The following SEC24A variants were observed in gnomAD, a reference collection of about 807,000 sequenced individuals.
The protein encoded by SEC24A is protein transport protein Sec24A.
SEC24A carries 93 observed loss-of-function variants against 129.4 expected under a neutral mutation model. That is an observed-to-expected ratio of 0.72 (90% CI 0.61 to 0.85). SEC24A has a LOEUF of 0.85. Among genes scored for constraint, SEC24A ranks in the 40% least tolerant of loss-of-function variants. SEC24A has a pLI of 0.00. For missense variants in SEC24A, 1,264 were observed against 1,307.4 expected, an observed-to-expected ratio of 0.97 and a Z score of 0.51; for synonymous variants, 460 against 467.3, an observed-to-expected ratio of 0.98 and a Z score of 0.20.
chr5:134,692,175 T>G (rs909000584), intron 11 of SEC24A, among the ~76,000 whole-genome samples: 3 of 149,224 alleles, frequency 2.0e-5, no homozygotes, highest in African/African-American at 7.4e-5. Context: ...TCCTCCCACA[T>G]AGCTGGGACT....
chr5:134,652,566 G>A lies in SEC24A; in HGVS notation c.97+3393G>A, dbSNP rs375752149. On this transcript the variant is annotated intron_variant, in intron 1 of 22. Transcript: ENST00000398844. ...CTACTAAAGTGCCGGGATTACAGGC[G>A]TGAGCCACTGTGCCTGGCCAGTTTG... Among the ~76,000 whole-genome samples, 8 of 151,974 alleles carry A rather than the reference G, an allele frequency of 5.3e-5. No individual in the cohort carries two copies. The East Asian group carries it at 1.2e-3, about 22-fold the overall frequency.
At chr5:134,713,223 GC>G (rs2150110363) in intron 18 of SEC24A, among the ~76,000 whole-genome samples, 1 of 152,104 alleles carries the variant, frequency 6.6e-6, no homozygotes, top group African/African-American at 2.4e-5. Context: ...GAGCCACCGC[GC>G]CCGGCCGAAA....
At position 134,691,247 on chromosome 5, in the gene SEC24A, A is replaced by G. The variant is rs556428316; in HGVS notation, c.1724-1355A>G. Among the ~76,000 whole-genome samples, 3 of 145,076 alleles carry G rather than the reference A, an allele frequency of 2.1e-5. No homozygotes were observed. In the South Asian group the frequency reaches 6.5e-4, roughly 31 times the overall value. On this transcript the variant is annotated intron_variant, in intron 11 of 22. Transcript: ENST00000398844. ...TGCAGTGGCGCGATCTTGGTGGCTC[A>G]CTGCAAACTCTGCCTCCTGGGTTCA... is the stretch of plus-strand genomic sequence containing the variant.
Position 134,675,180 on chromosome 5 carries a change from T to C in SEC24A, c.1114T>C (p.Leu372=), listed in dbSNP as rs201697696. 274 of 1,612,910 alleles carry C rather than the reference T, an allele frequency of 1.7e-4. No individual in the cohort carries two copies. The highest frequency in any genetic ancestry group is 2.2e-4 in the Non-Finnish European group (261 of 1,179,250). ...STPLKPPVPN[L]HEDIQKLNCN... ...ACCTTTGAAGCCTCCAGTTCCAAAT[T>C]TGCATGAAGACATCCAGAAACTCAA... Residue 372 remains leucine, a synonymous_variant, in exon 6 of 23, where the codon TTG becomes CTG. Coordinates refer to ENST00000398844, the MANE Select transcript of SEC24A (RefSeq NM_021982.3).
chr5:134,706,028 C>T (rs1194497400), intron 17 of SEC24A, among the ~76,000 whole-genome samples: 4 of 151,970 alleles, frequency 2.6e-5, no homozygotes, highest in Admixed American at 2.6e-4. Flanking sequence ...GCTGGGATTA[C>T]AGGCATGCGC....
intron 20 of SEC24A, among the ~76,000 whole-genome samples, chr5:134,719,102 C>T (rs976969122): frequency 6.6e-6 from 1 of 152,034 alleles, no homozygotes; most frequent in Non-Finnish European, 1.5e-5. Context: ...AATAATTTGT[C>T]CGGGCATGGT....
intron 7 of SEC24A, among the ~76,000 whole-genome samples, chr5:134,676,798 G>C (rs1487542469): frequency 6.6e-6 from 1 of 152,112 alleles, no homozygotes; most frequent in African/African-American, 2.4e-5. Flanking sequence ...TTTCTGCAAT[G>C]ATGCAAGAAT....
chr5:134,709,708 A>G (rs1005281209), intron 18 of SEC24A, among the ~76,000 whole-genome samples: 2 of 152,226 alleles, frequency 1.3e-5, no homozygotes, highest in Non-Finnish European at 2.9e-5. Context: ...TATGTTACCT[A>G]GCTTCATTAA....
intron 15 of SEC24A, among the ~76,000 whole-genome samples, chr5:134,699,891 G>A (rs1385013256): frequency 6.6e-6 from 1 of 151,592 alleles, no homozygotes; most frequent in Non-Finnish European, 1.5e-5. Context: ...AGTAGAAACG[G>A]GGTTTTGCCA....
At chr5:134,660,849 G>A (rs974669052) in intron 1 of SEC24A, among the ~76,000 whole-genome samples, 6 of 152,164 alleles carry the variant, frequency 3.9e-5, no homozygotes, top group East Asian at 3.9e-4. Context: ...GAGCCACTGC[G>A]CTGGCCTTCA....
chr5:134,727,450 T>TAC lies in SEC24A; in HGVS notation c.*2356_*2357insAC, dbSNP rs1752781543. 1 of 152,586 alleles carries TAC rather than the reference T, an allele frequency of 6.6e-6. No homozygotes were observed. The highest frequency in any genetic ancestry group is 1.5e-5 in the Non-Finnish European group (1 of 68,014). The allele number at this position is 152,586 out of a possible 1,614,324, so 9.5% of individuals were successfully genotyped here. A position where few individuals can be genotyped will look rare whatever the true frequency, so the allele number is the denominator to read the frequency against. On this transcript the variant is annotated 3_prime_UTR_variant, in exon 23 of 23. Transcript: ENST00000398844. ...ACTAATAGTCACTCAAGCAGTACCA[T>TAC]TTATTTTAGTTTGCATATATTTTCA...
intron 13 of SEC24A, among the ~76,000 whole-genome samples, chr5:134,694,664 A>G (rs1220440513): frequency 6.6e-6 from 1 of 151,680 alleles, no homozygotes; most frequent in Non-Finnish European, 1.5e-5. Context: ...CAAAAAAAAA[A>G]AAAAATTAGC....
rs201917952 is a variant in SEC24A, at chr5:134,697,900, T to C, written c.2109T>C (p.Gly703=). ...SGQYSDLASL[G]CISRYSAGSV... ...AAAACAGTGTGTGTTCTCTTCCAGGTTGTATTTCTCGGTATTCAGCAGGTA... is the reference window on the plus strand; with the variant it reads ...AAAACAGTGTGTGTTCTCTTCCAGGCTGTATTTCTCGGTATTCAGCAGGTA... The change falls in exon 15 of 23, where the codon GGT becomes GGC. Residue 703 remains glycine, a splice_region_variant and synonymous_variant. Coordinates refer to ENST00000398844, the MANE Select transcript of SEC24A (RefSeq NM_021982.3). 2.0e-5 allele frequency: 33 copies of C among 1,610,588 alleles called. No individual in the cohort carries two copies. The East Asian group carries it at 6.2e-4, about 30-fold the overall frequency.
At chr5:134,700,065 TG>T (rs1751956622) in intron 15 of SEC24A, among the ~76,000 whole-genome samples, 1 of 151,388 alleles carries the variant, frequency 6.6e-6, no homozygotes, top group Admixed American at 6.6e-5. Flanking sequence ...TTTTTTAAGG[TG>T]GGTTTTTTTT....
rs779521452 is a variant in SEC24A, at chr5:134,722,249, G to A, written c.3063+1159G>A. Among the ~76,000 whole-genome samples, 38 of 151,988 alleles carry A rather than the reference G, an allele frequency of 2.5e-4. 1 individual carries two copies. Among genetic ancestry groups the A allele is most frequent in the Non-Finnish European group, 1.2e-4 (8 of 68,010 alleles). ...CTCACACCTGTAATCTCAGCGCTTTGGGAGGCCGAGGCTGGCGAATCACCT... is the reference window on the plus strand; with the variant it reads ...CTCACACCTGTAATCTCAGCGCTTTAGGAGGCCGAGGCTGGCGAATCACCT... On this transcript the variant is annotated intron_variant, in intron 21 of 22. Transcript: ENST00000398844.
At position 134,678,580 on chromosome 5, in the gene SEC24A, AT is replaced by A. The variant is rs1245465361; in HGVS notation, c.1255-1015del. On this transcript the variant is annotated intron_variant, in intron 7 of 22. Coordinates refer to ENST00000398844, the MANE Select transcript of SEC24A (RefSeq NM_021982.3). ...AAAGCACTGGGATATATATATATATATTTTTTTAATTTATTTCCAAGATGGA... is the reference window on the plus strand; with the variant it reads ...AAAGCACTGGGATATATATATATATATTTTTTAATTTATTTCCAAGATGGA... Among the ~76,000 whole-genome samples, 155 of 148,276 alleles carry A rather than the reference AT, an allele frequency of 1.0e-3. 1 individual carries two copies. The highest frequency in any genetic ancestry group is 3.5e-3 in the African/African-American group (139 of 39,816).
rs1202852288 is a variant in SEC24A, at chr5:134,725,813, A to G, written c.*719A>G. 2 of 152,564 alleles carry G rather than the reference A, an allele frequency of 1.3e-5. No individual in the cohort carries two copies. Among genetic ancestry groups the G allele is most frequent in the African/African-American group, 4.8e-5 (2 of 41,464 alleles). 9.5% of individuals were successfully genotyped at this position (152,564 alleles called of 1,614,324 possible). A position where few individuals can be genotyped will look rare whatever the true frequency, so the allele number is the denominator to read the frequency against. ...AGAGTTGGACATACTGTCTTAATCT[A>G]TAGTGAAAAGAATTTGAGCTGTCTT... On this transcript the variant is annotated 3_prime_UTR_variant, in exon 23 of 23. Transcript: ENST00000398844.
rs1259201942 is a variant in SEC24A at position 134,712,820 on chromosome 5, G to A, written c.2728-2204G>A. Among the ~76,000 whole-genome samples, 9 of 148,886 alleles carry A rather than the reference G, an allele frequency of 6.0e-5. No individual in the cohort carries two copies. The East Asian group carries it at 8.1e-4, about 13-fold the overall frequency. On this transcript the variant is annotated intron_variant, in intron 18 of 22. Coordinates refer to ENST00000398844, the MANE Select transcript of SEC24A (RefSeq NM_021982.3). Reference sequence around the variant, plus strand: ...TTTTTAGTAGAGACGGGGTTTCACCGTGTTAACCAGGATGGCCTCAATTTC... The same window carrying A: ...TTTTTAGTAGAGACGGGGTTTCACCATGTTAACCAGGATGGCCTCAATTTC...
intron 9 of SEC24A, among the ~76,000 whole-genome samples, chr5:134,685,325 C>A (rs1751413495): frequency 6.6e-6 from 1 of 151,538 alleles, no homozygotes; most frequent in African/African-American, 2.4e-5. Flanking sequence ...TGCATTGCAT[C>A]ACTGCACTCC....
Sources: gnomAD v4.1 joint callset for allele counts (sites outside exome capture counted in the v4.1 genomes callset) on GRCh38, gnomAD v4.1.1 for gene constraint, MANE v1.5 for transcripts, NCBI Gene and HGNC (gene_info 2026-07-23, HGNC 2026-07-21) for gene names.